The following LRP2 variants were observed in gnomAD, a reference collection of about 807,000 sequenced individuals.
The protein encoded by LRP2 is LDL receptor related protein 2, also known as low-density lipoprotein receptor-related protein 2.
In LRP2, 172 loss-of-function variants were observed where a neutral mutation model predicts 531.0. The ratio of observed to expected loss-of-function variants is 0.32; its 90% CI spans 0.29 to 0.37. The LOEUF is 0.37. LRP2 is among the 10% of genes least tolerant of loss of function. LRP2 has a pLI of 1.00. For synonymous variants in LRP2, 1,992 were observed against 2,027.6 expected, an observed-to-expected ratio of 0.98 and a Z score of 0.47; for missense variants, 5,167 against 5,868.3, an observed-to-expected ratio of 0.88 and a Z score of 3.90.
At chr2:169,280,965 TTCTG>T (rs1269716895) in intron 10 of LRP2, among the ~76,000 whole-genome samples, 1 of 152,222 alleles carries the variant, frequency 6.6e-6, no homozygotes, top group Non-Finnish European at 1.5e-5. Context: ...TCCAAATCTG[TTCTG>T]TCTGTTTACT....
intron 63 of LRP2, among the ~76,000 whole-genome samples, chr2:169,160,326 T>C (rs1558986192): frequency 6.6e-6 from 1 of 152,198 alleles, no homozygotes; most frequent in Admixed American, 6.5e-5. Flanking sequence ...ACGGATATGT[T>C]AATTTGCTTG....
chr2:169,292,532 A>AG (rs771233486), intron 6 of LRP2, among the ~76,000 whole-genome samples, 163 bp from the exon 7 acceptor site: 416 of 152,302 alleles, frequency 2.7e-3, no homozygotes, highest in Non-Finnish European at 1.7e-3. Flanking sequence ...AGGAAAAAAA[A>AG]GAGAGAGAAA....
At chr2:169,141,859 A>G (rs6725805) in intron 71 of LRP2, among the ~76,000 whole-genome samples, 99,946 of 151,966 alleles carry the variant, frequency 0.66, 34,560 homozygotes, top group South Asian at 0.79. Flanking sequence ...GTGACAAGAA[A>G]CAGTTTTTTC....
At chr2:169,261,217 A>C (rs1416693982) in intron 16 of LRP2, among the ~76,000 whole-genome samples, 2 of 152,072 alleles carry the variant, frequency 1.3e-5, no homozygotes, top group Non-Finnish European at 2.9e-5. Flanking sequence ...AAACTTGAGC[A>C]TATCTGATGA....
chr2:169,346,897 A>G (rs1444884143), intron 1 of LRP2, among the ~76,000 whole-genome samples: 3 of 152,188 alleles, frequency 2.0e-5, no homozygotes, highest in Non-Finnish European at 4.4e-5. Flanking sequence ...TGCTAACTAG[A>G]GGAAGGACAG....
chr2:169,347,763 T>C (rs1278767485), intron 1 of LRP2, among the ~76,000 whole-genome samples: 1 of 152,186 alleles, frequency 6.6e-6, no homozygotes, highest in Non-Finnish European at 1.5e-5. Flanking sequence ...GGTCTCTGTC[T>C]ATACTCTGCA....
intron 3 of LRP2, among the ~76,000 whole-genome samples, chr2:169,318,210 A>G (rs1433707201): frequency 6.6e-6 from 1 of 152,086 alleles, no homozygotes; most frequent in Non-Finnish European, 1.5e-5. Flanking sequence ...AACCCCCTCA[A>G]TGTCCAGGGA....
At position 169,188,171 on chromosome 2, in the gene LRP2, G is replaced by A. The variant is rs760320712; in HGVS notation, c.9127C>T (p.Arg3043Cys). 3.2e-5 allele frequency: 52 copies of A among 1,613,946 alleles called. No individual in the cohort carries two copies. The highest frequency in any genetic ancestry group is 5.3e-5 in the African/African-American group (4 of 74,884). The change falls in exon 49 of 79, where the codon CGC (arginine) becomes TGC (cysteine). Residue 3043 changes from arginine to cysteine, a missense_variant. Arg to Cys is a radical substitution (Grantham distance 180, BLOSUM62 -3). Transcript: ENST00000649046. Reference protein sequence around the residue: ...QQNQFTCQNGRCISKTFVCDE... With the variant: ...QQNQFTCQNGCCISKTFVCDE... Reference sequence around the variant, plus strand: ...CAGACGAAGGTTTTACTAATGCAGCGCCCGTTCTGACAGGTAAACTGATTC... The same window carrying A: ...CAGACGAAGGTTTTACTAATGCAGCACCCGTTCTGACAGGTAAACTGATTC...
At chr2:169,327,696 G>A (rs1486181857) in intron 1 of LRP2, among the ~76,000 whole-genome samples, 154 of 117,584 alleles carry the variant, frequency 1.3e-3, no homozygotes, top group Middle Eastern at 8.1e-3. Context: ...CGACCCATCC[G>A]GGAGGGAGGT....
At chr2:169,240,092 G>T (rs1345351348) in intron 25 of LRP2, among the ~76,000 whole-genome samples, 1 of 148,616 alleles carries the variant, frequency 6.7e-6, no homozygotes, top group Non-Finnish European at 1.5e-5. Context: ...AAGTGTCATT[G>T]ATAGAGCATG....
chr2:169,354,315 C>T (rs1256129701), intron 1 of LRP2, among the ~76,000 whole-genome samples: 1 of 152,116 alleles, frequency 6.6e-6, no homozygotes, highest in East Asian at 1.9e-4. Flanking sequence ...ATGTGTTATT[C>T]GCTGATAGTA....
chr2:169,223,625 G>A (rs1689094110), intron 33 of LRP2, among the ~76,000 whole-genome samples: 1 of 152,172 alleles, frequency 6.6e-6, no homozygotes, highest in Non-Finnish European at 1.5e-5. Flanking sequence ...GTTTATAAAA[G>A]TGCAAAGAGA....
At chr2:169,173,876 C>G (rs1687088483) in intron 56 of LRP2, 43 bp downstream of exon 56, 1 of 1,612,670 alleles carries the variant, frequency 6.2e-7, no homozygotes, top group African/African-American at 1.3e-5. Flanking sequence ...TTCCTCGTGT[C>G]TCCCTGCTCT....
chr2:169,158,545 AT>A (rs1177187191), intron 63 of LRP2, among the ~76,000 whole-genome samples: 2 of 152,008 alleles, frequency 1.3e-5, no homozygotes, highest in African/African-American at 2.4e-5. Context: ...ATATAAAAAA[AT>A]ACATCTTAGA....
At chr2:169,210,751 C>G (rs117703285) in intron 37 of LRP2, among the ~76,000 whole-genome samples, 89 of 152,150 alleles carry the variant, frequency 5.8e-4, no homozygotes, top group Admixed American at 2.3e-3. Context: ...TATTGTGAGG[C>G]CAACTGGAGA....
intron 1 of LRP2, among the ~76,000 whole-genome samples, chr2:169,342,481 A>G (rs1685589257): frequency 6.6e-6 from 1 of 152,154 alleles, no homozygotes; most frequent in Non-Finnish European, 1.5e-5. Flanking sequence ...CTCTCATTGC[A>G]GCAAGTATTC....
chr2:169,243,973 C>T (rs116387136), intron 22 of LRP2, among the ~76,000 whole-genome samples: 1,564 of 152,274 alleles, frequency 0.01, 27 homozygotes, highest in African/African-American at 0.036. Context: ...TTCTAAAAAC[C>T]AGGGTCCTAC....
chr2:169,324,632 A>G (rs1340972833), intron 1 of LRP2, among the ~76,000 whole-genome samples: 21 of 53,834 alleles, frequency 3.9e-4, no homozygotes, highest in African/African-American at 1.0e-3. Flanking sequence ...AGCTAGGGGA[A>G]AAAAAAAAAA....
Position 169,275,233 on chromosome 2 carries a change from G to A in LRP2, c.1778C>T (p.Thr593Ile), listed in dbSNP as rs761133892. 5 of 1,612,226 alleles carry A rather than the reference G, an allele frequency of 3.1e-6. No homozygotes were observed. Among genetic ancestry groups the A allele is most frequent in the Non-Finnish European group, 4.2e-6 (5 of 1,178,678 alleles). The change falls in exon 14 of 79, where the codon ACT becomes ATT. Residue 593 changes from threonine (T) to isoleucine (I), a missense_variant. This residue lies in a region of LRP2 where 2,811 missense variants were observed against 3,058.0 expected (regional missense o/e 0.92). Coordinates refer to ENST00000649046, the MANE Select transcript of LRP2 (RefSeq NM_004525.3). ...TVTYDGIQRK[T>I]VVHGGSLIPH... ...AATGAGGGAGCCTCCATGAACTACA[G>A]TCTTCCTGTTATAAAAGACACATAT...
Sources: gnomAD v4.1 joint callset for allele counts (sites outside exome capture counted in the v4.1 genomes callset) on GRCh38, gnomAD v4.1.1 for gene constraint, gnomAD v4.1.1 regional missense constraint, MANE v1.5 for transcripts, NCBI Gene and HGNC (gene_info 2026-07-23, HGNC 2026-07-21) for gene names.